The following GPC5 variants were observed in gnomAD, a reference collection of about 807,000 sequenced individuals.
GPC5 encodes glypican-5.
Under a neutral mutation model 53.9 loss-of-function variants are expected in GPC5, and 47 were observed. The observed-to-expected ratio is 0.87, with a 90% CI of 0.69 to 1.11. The LOEUF is 1.11. GPC5 is among the 50% of genes most tolerant of loss of function. The probability of loss-of-function intolerance (pLI) is 0.00; values close to 1 mark genes in which losing one functional copy is unlikely to be tolerated. For synonymous variants in GPC5, 286 were observed against 263.3 expected (o/e 1.09, Z -0.84); for missense variants, 748 against 713.1 (o/e 1.05, Z -0.56).
chr13:92,068,520 T>G (rs1352392622), intron 6 of GPC5, among the ~76,000 whole-genome samples: 2 of 151,588 alleles, frequency 1.3e-5, no homozygotes, highest in Non-Finnish European at 3.0e-5. Context: ...TCTCTTACAG[T>G]TCTTATTGAA....
intron 7 of GPC5, chr13:92,701,592 T>C (rs1887742904): frequency 6.6e-6 from 1 of 152,086 alleles, no homozygotes; most frequent in African/African-American, 2.4e-5. Flanking sequence ...AGCTGCATAT[T>C]GATATGATTA....
intron 2 of GPC5, among the ~76,000 whole-genome samples, chr13:91,556,207 T>G (rs1157449870): frequency 6.6e-6 from 1 of 151,972 alleles, no homozygotes; most frequent in Non-Finnish European, 1.5e-5. Flanking sequence ...AAAAAAAAAC[T>G]CAGCATAATT....
chr13:92,222,398 T>C (rs1216376765), intron 7 of GPC5, among the ~76,000 whole-genome samples: 1 of 152,162 alleles, frequency 6.6e-6, no homozygotes, highest in African/African-American at 2.4e-5. Context: ...ACTGAGACGA[T>C]AGAAATTAGA....
At chr13:92,808,205 G>C (rs905658583) in intron 7 of GPC5, among the ~76,000 whole-genome samples, 1 of 151,944 alleles carries the variant, frequency 6.6e-6, no homozygotes, top group African/African-American at 2.4e-5. Context: ...CGAATTTTTT[G>C]TATCTGAGGT....
At chr13:91,959,458 C>A (rs967139120) in intron 6 of GPC5, among the ~76,000 whole-genome samples, 7 of 151,992 alleles carry the variant, frequency 4.6e-5, no homozygotes, top group African/African-American at 1.7e-4. Flanking sequence ...CAAATTCTAC[C>A]AAACTATCAA....
At chr13:92,100,491 A>T (rs543020610) in intron 6 of GPC5, among the ~76,000 whole-genome samples, 1 of 152,312 alleles carries the variant, frequency 6.6e-6, no homozygotes, top group South Asian at 2.1e-4. Context: ...TACCTACAGG[A>T]TTGACATCTT....
chr13:91,957,301 G>A (rs1301484553), intron 6 of GPC5, among the ~76,000 whole-genome samples: 3 of 152,232 alleles, frequency 2.0e-5, no homozygotes, highest in East Asian at 1.9e-4. Flanking sequence ...GTTTTTAAGT[G>A]AACAAACCCT....
At chr13:91,964,277 G>C (rs528562031) in intron 6 of GPC5, among the ~76,000 whole-genome samples, 8 of 152,192 alleles carry the variant, frequency 5.3e-5, no homozygotes, top group Admixed American at 1.3e-4. Context: ...AGCCTCCAAA[G>C]GGTGGAAAGA....
At chr13:91,724,489 A>G (rs1445884655) in intron 3 of GPC5, among the ~76,000 whole-genome samples, 1 of 151,872 alleles carries the variant, frequency 6.6e-6, no homozygotes, top group Non-Finnish European at 1.5e-5. Flanking sequence ...GTAATATTCT[A>G]AACATTTTTG....
At chr13:92,680,698 T>C (rs186862983) in intron 7 of GPC5, among the ~76,000 whole-genome samples, 1 of 152,202 alleles carries the variant, frequency 6.6e-6, no homozygotes, top group East Asian at 1.9e-4. Flanking sequence ...ACATGACCAA[T>C]GAAAAACTAG....
At chr13:91,838,605 A>T (rs2038749347) in intron 5 of GPC5, among the ~76,000 whole-genome samples, 1 of 152,056 alleles carries the variant, frequency 6.6e-6, no homozygotes, top group Admixed American at 6.6e-5. Context: ...TGGGGAGAAG[A>T]CAGCCTGGAA....
intron 7 of GPC5, among the ~76,000 whole-genome samples, chr13:92,624,785 A>G (rs1884994140): frequency 6.6e-6 from 1 of 152,174 alleles, no homozygotes; most frequent in Non-Finnish European, 1.5e-5. Flanking sequence ...ACATAACACA[A>G]TCTCTAAGGC....
At chr13:91,474,549 CT>C (rs1237401352) in intron 2 of GPC5, among the ~76,000 whole-genome samples, 1 of 152,062 alleles carries the variant, frequency 6.6e-6, no homozygotes, top group African/African-American at 2.4e-5. Context: ...TATGATTACA[CT>C]GATCTAAACA....
At chr13:91,455,496 T>A (rs1257468021) in intron 2 of GPC5, among the ~76,000 whole-genome samples, 1 of 152,192 alleles carries the variant, frequency 6.6e-6, no homozygotes, top group Non-Finnish European at 1.5e-5. Context: ...TATTTTGTAT[T>A]TTATTTATTT....
intron 7 of GPC5, among the ~76,000 whole-genome samples, chr13:92,232,296 C>T (rs2042536743): frequency 1.3e-5 from 2 of 151,578 alleles, no homozygotes; most frequent in South Asian, 4.2e-4. Flanking sequence ...GGTGTGGGGG[C>T]GGCTGTTATT....
At chr13:91,955,032 T>C (rs565332586) in intron 6 of GPC5, among the ~76,000 whole-genome samples, 2 of 152,132 alleles carry the variant, frequency 1.3e-5, no homozygotes, top group Non-Finnish European at 2.9e-5. Flanking sequence ...ACTGAAGATA[T>C]ACAAGATGTA....
chr13:92,305,904 C>T (rs906871289), intron 7 of GPC5, among the ~76,000 whole-genome samples: 7 of 151,952 alleles, frequency 4.6e-5, no homozygotes, highest in African/African-American at 1.7e-4. Context: ...TTTAGGGTGG[C>T]CAGAGGTAAC....
chr13:91,577,018 T>C (rs2032163892), intron 2 of GPC5, among the ~76,000 whole-genome samples: 1 of 150,194 alleles, frequency 6.7e-6, no homozygotes. Flanking sequence ...ATTAGTTCTG[T>C]ATTTGACCTT....
intron 7 of GPC5, among the ~76,000 whole-genome samples, chr13:92,345,713 T>C (rs1008809848): frequency 2.6e-5 from 4 of 152,098 alleles, no homozygotes; most frequent in African/African-American, 4.8e-5. Flanking sequence ...AGTTTCTACA[T>C]TGGGGGAAAG....
Sources: allele counts gnomAD v4.1 joint callset (sites outside exome capture counted in the v4.1 genomes callset), GRCh38; gene constraint gnomAD v4.1.1; transcripts MANE v1.5; gene names NCBI Gene and HGNC (gene_info 2026-07-23, HGNC 2026-07-21).